RALYL: variants seen among roughly 807,000 people sequenced by gnomAD.
RALYL encodes RNA-binding Raly-like protein.
A neutral mutation model predicts 35.1 loss-of-function variants in RALYL; 29 were observed. The ratio of observed to expected loss-of-function variants is 0.83; its 90% CI spans 0.61 to 1.13. The LOEUF (loss-of-function observed/expected upper bound fraction) is 1.13. Ranked by LOEUF, RALYL falls within the 50% of genes most tolerant of loss-of-function variation. RALYL has a pLI of 0.00. For synonymous variants in RALYL, 120 were observed against 127.6 expected (o/e 0.94, Z 0.40); for missense variants, 359 against 360.4 (o/e 1.00, Z 0.03).
At chr8:84,223,241 C>T (rs1822964686) in intron 1 of RALYL, among the ~76,000 whole-genome samples, 2 of 109,926 alleles carry the variant, frequency 1.8e-5, no homozygotes, top group South Asian at 6.2e-4. Context: ...CCCTTCCCTT[C>T]CCTTCCTTCT....
intron 1 of RALYL, among the ~76,000 whole-genome samples, chr8:84,458,956 A>C (rs1422790656): frequency 6.6e-6 from 1 of 151,718 alleles, no homozygotes; most frequent in Non-Finnish European, 1.5e-5. Context: ...CATGAGAATG[A>C]AGAATGCTCT....
intron 1 of RALYL, among the ~76,000 whole-genome samples, chr8:84,241,601 C>A (rs1827900962): frequency 1.3e-5 from 2 of 151,910 alleles, no homozygotes; most frequent in South Asian, 2.1e-4. Context: ...TATGGTGAAA[C>A]CCTATCTCTA....
intron 1 of RALYL, among the ~76,000 whole-genome samples, chr8:84,235,596 A>C (rs1233725695): frequency 6.6e-6 from 1 of 152,192 alleles, no homozygotes; most frequent in African/African-American, 2.4e-5. Flanking sequence ...CCAGAATTGG[A>C]ATCTTGAATA....
intron 4 of RALYL, among the ~76,000 whole-genome samples, chr8:84,842,606 T>A (rs1051515320): frequency 6.6e-6 from 1 of 152,164 alleles, no homozygotes; most frequent in Non-Finnish European, 1.5e-5. Context: ...GAATCCTCCC[T>A]AACTAATTTT....
chr8:84,555,165 G>A (rs2061020790), intron 2 of RALYL, among the ~76,000 whole-genome samples: 1 of 152,146 alleles, frequency 6.6e-6, no homozygotes, highest in Non-Finnish European at 1.5e-5. Context: ...TGTAATCCCA[G>A]CTACTCAGGA....
rs151166605 is a variant in RALYL at position 84,797,611 on chromosome 8, T to C, written c.333-7159T>C. ...TCTTTAAAACTCTTTGAAATGCATA[T>C]GAAAATTCCTTTGGAGAAAAAAAGT... On this transcript the variant is annotated intron_variant, in intron 3 of 8. Coordinates refer to ENST00000521268, the MANE Select transcript of RALYL (RefSeq NM_173848.7). Among the ~76,000 whole-genome samples the C allele has an allele frequency of 3.4e-3, 524 of 152,162 alleles. 3 individuals are homozygous for C. Among genetic ancestry groups the C allele is most frequent in the African/African-American group, 0.012 (488 of 41,494 alleles).
chr8:84,834,693 C>A (rs1034033993), intron 4 of RALYL, among the ~76,000 whole-genome samples: 1 of 152,078 alleles, frequency 6.6e-6, no homozygotes, highest in Non-Finnish European at 1.5e-5. Flanking sequence ...AGCTGACCAG[C>A]AATAAATTGA....
At chr8:84,336,437 A>G (rs1399275734) in intron 1 of RALYL, among the ~76,000 whole-genome samples, 1 of 152,138 alleles carries the variant, frequency 6.6e-6, no homozygotes, top group Non-Finnish European at 1.5e-5. Context: ...ATGTTTGGGA[A>G]AAAAGTAATG....
At chr8:84,619,602 T>C (rs1270275567) in intron 2 of RALYL, among the ~76,000 whole-genome samples, 2 of 148,960 alleles carry the variant, frequency 1.3e-5, no homozygotes, top group African/African-American at 5.0e-5. Context: ...CATTTAAAGT[T>C]AATATTGTTA....
chr8:84,347,151 A>C (rs1417637778), intron 1 of RALYL, among the ~76,000 whole-genome samples: 1 of 152,090 alleles, frequency 6.6e-6, no homozygotes, highest in Non-Finnish European at 1.5e-5. Context: ...CAGTGAGCTG[A>C]GATCATGCCA....
chr8:84,518,821 C>A (rs1290095495), intron 1 of RALYL, among the ~76,000 whole-genome samples: 1 of 152,066 alleles, frequency 6.6e-6, no homozygotes, highest in East Asian at 1.9e-4. Flanking sequence ...GATCTTAACT[C>A]CTGAGGGAGC....
intron 1 of RALYL, among the ~76,000 whole-genome samples, chr8:84,262,168 G>A (rs982083275): frequency 6.6e-6 from 1 of 152,152 alleles, no homozygotes; most frequent in Non-Finnish European, 1.5e-5. Flanking sequence ...GTTGGTAGAT[G>A]TTATTAATTT....
intron 2 of RALYL, among the ~76,000 whole-genome samples, chr8:84,675,235 A>G (rs914131962): frequency 5.3e-5 from 8 of 152,154 alleles, no homozygotes; most frequent in South Asian, 4.1e-4. Flanking sequence ...TGCTTATTAA[A>G]TGTTCTTATT....
chr8:84,428,106 T>TCTCTCACACA (rs1182382963), intron 1 of RALYL, among the ~76,000 whole-genome samples: 4 of 127,276 alleles, frequency 3.1e-5, no homozygotes, highest in African/African-American at 1.2e-4. Context: ...TCTCTCTCTC[T>TCTCTCACACA]CACACACACA....
chr8:84,470,940 T>C (rs1291336282), intron 1 of RALYL, among the ~76,000 whole-genome samples: 1 of 152,176 alleles, frequency 6.6e-6, no homozygotes, highest in African/African-American at 2.4e-5. Flanking sequence ...AATGCAGATG[T>C]CATGTTACTA....
rs1838847980 is a variant in RALYL at position 84,864,799 on chromosome 8, G to A, written c.571+2346G>A. The A allele has an allele frequency of 4.9e-6, 3 of 618,180 alleles. No individual in the cohort carries two copies. The Admixed American group carries it at 5.7e-5, about 12-fold the overall frequency. The allele number at this position is 618,180 out of a possible 1,614,324, so 38.3% of individuals were successfully genotyped here. A position where few individuals can be genotyped will look rare whatever the true frequency, so the allele number is the denominator to read the frequency against. On this transcript the variant is annotated intron_variant, in intron 6 of 8. Transcript: ENST00000521268. ...GGGCCTGCTCCAAGCCAGCCCTGCA[G>A]CAGAGCTTCTGTGTAGTAGTCAATG...
At chr8:84,525,127 T>C (rs1017963132) in intron 1 of RALYL, among the ~76,000 whole-genome samples, 1 of 151,718 alleles carries the variant, frequency 6.6e-6, no homozygotes, top group South Asian at 2.1e-4. Context: ...TGACTAACTT[T>C]TTGGATAGTA....
intron 1 of RALYL, among the ~76,000 whole-genome samples, chr8:84,493,348 G>A (rs1486826981): frequency 6.6e-6 from 1 of 151,978 alleles, no homozygotes. Context: ...CCATGTCTTT[G>A]CTATTGCGAA....
At chr8:84,525,891 G>A (rs2058843178) in intron 1 of RALYL, among the ~76,000 whole-genome samples, 1 of 149,154 alleles carries the variant, frequency 6.7e-6, no homozygotes, top group Non-Finnish European at 1.5e-5. Context: ...GAGTTTTTGT[G>A]TGATGGTGAA....
Sources: allele counts gnomAD v4.1 joint callset (sites outside exome capture counted in the v4.1 genomes callset), GRCh38; gene constraint gnomAD v4.1.1; transcripts MANE v1.5; gene names NCBI Gene and HGNC (gene_info 2026-07-23, HGNC 2026-07-21).